SPIDR: variants seen among roughly 807,000 people sequenced by gnomAD.
SPIDR encodes DNA repair-scaffolding protein.
Under a neutral mutation model 104.6 loss-of-function variants are expected in SPIDR, and 93 were observed. That is an observed-to-expected ratio of 0.89 (90% CI 0.75 to 1.06). The LOEUF (loss-of-function observed/expected upper bound fraction) is 1.06. SPIDR is among the 50% of genes least tolerant of loss of function. The pLI is 0.00. For missense variants in SPIDR, 1,154 were observed against 1,111.2 expected (o/e 1.04, Z -0.55); for synonymous variants, 431 against 416.9 (o/e 1.03, Z -0.41).
intron 8 of SPIDR, among the ~76,000 whole-genome samples, chr8:47,560,692 T>C (rs1232305019): frequency 6.6e-6 from 1 of 152,152 alleles, no homozygotes. Context: ...TAATGGCCAT[T>C]TATGACTTTC....
intron 14 of SPIDR, among the ~76,000 whole-genome samples, chr8:47,708,327 C>G (rs2081365903): frequency 6.6e-6 from 1 of 152,144 alleles, no homozygotes; most frequent in Non-Finnish European, 1.5e-5. Context: ...AAAAAACTTT[C>G]CCTGATTACA....
rs578010218 is a variant in SPIDR, at chr8:47,652,580, G to A, written c.1545-21221G>A. On this transcript the variant is annotated intron_variant, in intron 10 of 19. Coordinates refer to ENST00000297423, the MANE Select transcript of SPIDR (RefSeq NM_001080394.4). The stretch of plus-strand genomic sequence containing the variant: ...AAGTACAGTAAACTGAATATGGTTC[G>A]TCTTCAAATTTGAAATTACTTCACT... Among the ~76,000 whole-genome samples, 116 of 152,270 alleles carry A rather than the reference G, an allele frequency of 7.6e-4. 1 individual carries two copies. Among genetic ancestry groups the A allele is most frequent in the South Asian group, 6.8e-3 (33 of 4,828 alleles).
chr8:47,558,691 C>G (rs1587735526), intron 8 of SPIDR, among the ~76,000 whole-genome samples: 1 of 151,864 alleles, frequency 6.6e-6, no homozygotes, highest in Admixed American at 6.6e-5. Flanking sequence ...CCAGGCTGGA[C>G]TGCAGTGGCA....
At chr8:47,285,467 T>G (rs1465388030) in intron 3 of SPIDR, among the ~76,000 whole-genome samples, 1 of 152,222 alleles carries the variant, frequency 6.6e-6, no homozygotes, top group Admixed American at 6.5e-5. Flanking sequence ...CTGATTCTGC[T>G]TCCCAGCTGT....
chr8:47,496,578 T>G (rs2079475882), intron 8 of SPIDR, among the ~76,000 whole-genome samples: 1 of 152,140 alleles, frequency 6.6e-6, no homozygotes, highest in South Asian at 2.1e-4. Context: ...TTTTATGTGT[T>G]GCTGGATTTG....
At chr8:47,333,723 T>C (rs551526168) in intron 5 of SPIDR, among the ~76,000 whole-genome samples, 1 of 152,386 alleles carries the variant, frequency 6.6e-6, no homozygotes, top group Non-Finnish European at 1.5e-5. Flanking sequence ...GCTGGCAGCA[T>C]ACAGTAAGTC....
chr8:47,673,653 C>T (rs1563501015), intron 10 of SPIDR, 148 bp from the exon 11 acceptor site: 729 of 867,768 alleles, frequency 8.4e-4, no homozygotes, highest in Middle Eastern at 1.2e-3. Flanking sequence ...TTTTTTTTTT[C>T]CCCCCTTGGT....
At chr8:47,514,270 TTTGGTACAGGGA>T (rs1320943965) in intron 8 of SPIDR, among the ~76,000 whole-genome samples, 2 of 152,048 alleles carry the variant, frequency 1.3e-5, no homozygotes, top group East Asian at 3.9e-4. Flanking sequence ...CTAGATTGGG[TTTGGTACAGGGA>T]TTTCTAAAAC....
chr8:47,572,983 T>C (rs2058701683), intron 8 of SPIDR, among the ~76,000 whole-genome samples: 1 of 152,194 alleles, frequency 6.6e-6, no homozygotes, highest in Non-Finnish European at 1.5e-5. Context: ...AAAACAAATT[T>C]TTCTATGTTT....
intron 5 of SPIDR, among the ~76,000 whole-genome samples, chr8:47,393,570 C>T (rs552554699): frequency 1.3e-5 from 2 of 152,164 alleles, no homozygotes; most frequent in Non-Finnish European, 2.9e-5. Flanking sequence ...AATTAATCCA[C>T]ACTTAGCATT....
At chr8:47,531,884 A>AC (rs2086066688) in intron 8 of SPIDR, among the ~76,000 whole-genome samples, 4 of 152,202 alleles carry the variant, frequency 2.6e-5, no homozygotes, top group Non-Finnish European at 5.9e-5. Context: ...AAAAAAATAG[A>AC]ATCATATAAA....
chr8:47,534,989 A>G (rs370819435), intron 8 of SPIDR, among the ~76,000 whole-genome samples: 5 of 152,200 alleles, frequency 3.3e-5, no homozygotes, highest in African/African-American at 1.2e-4. Context: ...AGATACTAAA[A>G]GGATAATAAA....
At chr8:47,476,636 T>G (rs2076326357) in intron 8 of SPIDR, among the ~76,000 whole-genome samples, 1 of 152,124 alleles carries the variant, frequency 6.6e-6, no homozygotes, top group African/African-American at 2.4e-5. Flanking sequence ...CCAGTCCTTC[T>G]GATTCTTCAC....
chr8:47,439,048 G>A lies in SPIDR; in HGVS notation c.878-1275G>A, dbSNP rs533170368. Among the ~76,000 whole-genome samples, 598 of 152,194 alleles carry A rather than the reference G, an allele frequency of 3.9e-3. 1 individual carries two copies. Among genetic ancestry groups the A allele is most frequent in the Non-Finnish European group, 7.3e-3 (495 of 68,010 alleles). On this transcript the variant is annotated intron_variant, in intron 7 of 19. Transcript: ENST00000297423. The stretch of plus-strand genomic sequence containing the variant: ...GTACCCTTCATTTTTGTTGTTCTCA[G>A]TTTATGTATTTTTTTATTTTTTTTA...
At chr8:47,405,267 C>T (rs113317833) in intron 6 of SPIDR, among the ~76,000 whole-genome samples, 3 of 150,560 alleles carry the variant, frequency 2.0e-5, no homozygotes, top group Middle Eastern at 3.2e-3. Context: ...GACGAGTTAA[C>T]GGGTGCAGCA....
Position 47,511,761 on chromosome 8 carries a change from C to G in SPIDR, c.1097+71219C>G, listed in dbSNP as rs536901618. 1.8e-5 allele frequency: 24 copies of G among 1,301,096 alleles called. No homozygotes were observed. In the African/African-American group the frequency reaches 2.6e-4, roughly 14 times the overall value. 80.6% of individuals were successfully genotyped at this position (1,301,096 alleles called of 1,614,324 possible). A position where few individuals can be genotyped will look rare whatever the true frequency, so the allele number is the denominator to read the frequency against. On this transcript the variant is annotated intron_variant, in intron 8 of 19. Coordinates refer to ENST00000297423, the MANE Select transcript of SPIDR (RefSeq NM_001080394.4). ...CTCGCTCCACAGCTACAGCTCCATG[C>G]TCTTTGGCACCTTTAAAGAGATCAT...
chr8:47,328,811 T>A (rs2048145297), intron 5 of SPIDR, among the ~76,000 whole-genome samples: 1 of 152,142 alleles, frequency 6.6e-6, no homozygotes, highest in South Asian at 2.1e-4. Flanking sequence ...TTTCTAAATG[T>A]TTCAGGGTTT....
chr8:47,471,303 G>T (rs2075667770), intron 8 of SPIDR, among the ~76,000 whole-genome samples: 1 of 145,586 alleles, frequency 6.9e-6, no homozygotes, highest in Non-Finnish European at 1.5e-5. Context: ...AGAATATATA[G>T]GGAATTCCTA....
chr8:47,649,174 T>C (rs1035942925), intron 10 of SPIDR, among the ~76,000 whole-genome samples: 2 of 151,878 alleles, frequency 1.3e-5, no homozygotes, highest in African/African-American at 4.8e-5. Flanking sequence ...GCCCAGGAGT[T>C]TGAGGTTGTA....
Sources: gnomAD v4.1 joint callset for allele counts (sites outside exome capture counted in the v4.1 genomes callset) on GRCh38, gnomAD v4.1.1 for gene constraint, MANE v1.5 for transcripts, NCBI Gene and HGNC (gene_info 2026-07-23, HGNC 2026-07-21) for gene names.